MRTFB: variants seen among roughly 807,000 people sequenced by gnomAD.
The protein encoded by MRTFB is myocardin-related transcription factor B.
A neutral mutation model predicts 104.2 loss-of-function variants in MRTFB; 29 were observed. The observed-to-expected ratio is 0.28, with a 90% CI of 0.21 to 0.38. The LOEUF (loss-of-function observed/expected upper bound fraction) is 0.38, where lower values mean the gene tolerates loss of function less well. Ranked by LOEUF, MRTFB falls within the 10% of genes least tolerant of loss-of-function variation. The pLI is 1.00. For missense variants in MRTFB, 1,270 were observed against 1,341.6 expected (o/e 0.95, Z 0.83); for synonymous variants, 535 against 519.5 (o/e 1.03, Z -0.41).
At chr16:14,229,737 A>G (rs2042173264) in intron 8 of MRTFB, among the ~76,000 whole-genome samples, 1 of 151,976 alleles carries the variant, frequency 6.6e-6, no homozygotes. Flanking sequence ...TATGATCAAC[A>G]GTGCCTTTTT....
chr16:14,240,547 AAGTTACCAAAAGTTGAATGTTGTCATTT>A, intron 10 of MRTFB, 63 bp downstream of exon 10: 1 of 1,609,874 alleles, frequency 6.2e-7, no homozygotes, highest in Non-Finnish European at 8.5e-7. Context: ...GAGGAACTAT[AAGTTACCAAAAGTTGAATGTTGTCATTT>A]ATTTGTGCTC....
chr16:14,237,846 T>C (rs922109834), intron 9 of MRTFB, among the ~76,000 whole-genome samples: 14 of 152,182 alleles, frequency 9.2e-5, no homozygotes, highest in Admixed American at 3.9e-4. Context: ...GGTGAAATAC[T>C]ATAGGTTTGG....
chr16:14,241,190 GA>G (rs1163640616), intron 10 of MRTFB: 1 of 169,952 alleles, frequency 5.9e-6, no homozygotes, highest in African/African-American at 2.4e-5. Context: ...AAAACAGCTG[GA>G]TGCTGGTGTT....
intron 3 of MRTFB, among the ~76,000 whole-genome samples, chr16:14,168,973 T>C (rs1329721511): frequency 6.6e-6 from 1 of 152,236 alleles, no homozygotes; most frequent in Non-Finnish European, 1.5e-5. Flanking sequence ...CTTTTTAATG[T>C]GCTTATGAGC....
chr16:14,177,021 C>T lies in MRTFB; in HGVS notation c.155-33222C>T, dbSNP rs993373964. ...TTGAAGATTGTTTAAGTACAGTTTC[C>T]GTGGGCAGAGATAGGGAATAGGGAA... On this transcript the variant is annotated intron_variant, in intron 3 of 16. Coordinates refer to ENST00000571589, the MANE Select transcript of MRTFB (RefSeq NM_001308142.2). The surrounding 1 kb of genome is among the most constrained non-coding windows in gnomAD (Gnocchi z 4.7). 5.9e-5 allele frequency among the ~76,000 whole-genome samples: 9 copies of T among 152,042 alleles called. No homozygotes were observed. Among genetic ancestry groups the T allele is most frequent in the Non-Finnish European group, 1.0e-4 (7 of 68,004 alleles).
At chr16:14,149,228 T>G (rs1329313184) in intron 3 of MRTFB, 2 of 152,196 alleles carry the variant, frequency 1.3e-5, no homozygotes, top group East Asian at 3.8e-4. Context: ...ATTTTTATGG[T>G]ATTTATGTTG....
rs1206743663 is a variant in MRTFB at position 14,265,859 on chromosome 16, TATC to T, written c.*4420_*4422del. ...ATCAAATAAAATATGTTATCAGAGA[TATC>T]ATCACATCTATAGTGTTTAACAGAG... is the stretch of plus-strand genomic sequence containing the variant. On this transcript the variant is annotated 3_prime_UTR_variant, in exon 17 of 17. Transcript: ENST00000571589. The T allele has an allele frequency of 6.6e-6, 1 of 152,256 alleles. No individual in the cohort carries two copies. The highest frequency in any genetic ancestry group is 6.5e-5 in the Admixed American group (1 of 15,290). The allele number at this position is 152,256 out of a possible 1,614,324, so 9.4% of individuals were successfully genotyped here.
intron 13 of MRTFB, among the ~76,000 whole-genome samples, chr16:14,250,557 C>T (rs1312012788): frequency 6.6e-6 from 1 of 152,148 alleles, no homozygotes; most frequent in Non-Finnish European, 1.5e-5. Flanking sequence ...AAGACATTTT[C>T]AAGAAACTGG....
chr16:14,028,228 C>A, the MRTFB span, among the ~76,000 whole-genome samples: 20 of 73,514 alleles, frequency 2.7e-4, no homozygotes, highest in East Asian at 6.1e-3. Flanking sequence ...ACAAAACAAA[C>A]CAAGTAACTG....
At chr16:14,101,602 T>G (rs1203718084) in intron 2 of MRTFB, among the ~76,000 whole-genome samples, 1 of 152,212 alleles carries the variant, frequency 6.6e-6, no homozygotes, top group African/African-American at 2.4e-5. Flanking sequence ...TCAATTTCTA[T>G]TAACACTGTT....
intron 1 of MRTFB, among the ~76,000 whole-genome samples, chr16:14,079,058 G>GT (rs2034242650): frequency 2.0e-5 from 3 of 152,264 alleles, no homozygotes; most frequent in Admixed American, 6.5e-5. Context: ...CTCCAGGCTT[G>GT]TTTGTTAAAT....
intron 8 of MRTFB, among the ~76,000 whole-genome samples, chr16:14,227,951 T>TAAAAAAAA (rs369511525): frequency 4.5e-4 from 61 of 134,558 alleles, no homozygotes; most frequent in African/African-American, 1.6e-3. Flanking sequence ...CAGTCTATCT[T>TAAAAAAAA]AAAAAAAAAA....
chr16:14,047,120 G>A, the MRTFB span, among the ~76,000 whole-genome samples: 6 of 152,156 alleles, frequency 3.9e-5, no homozygotes, highest in Admixed American at 2.0e-4. Context: ...AAAAACAAAC[G>A]GGAAATTTAC....
the MRTFB span, among the ~76,000 whole-genome samples, chr16:14,033,027 T>C: frequency 6.6e-6 from 1 of 151,998 alleles, no homozygotes; most frequent in African/African-American, 2.4e-5. Flanking sequence ...GTTTTTTTTT[T>C]AGTAGGTCTG....
rs901512773 is a variant in MRTFB, at chr16:14,091,071, C to T, written c.-64+11717C>T. On this transcript the variant is annotated intron_variant, in intron 2 of 16. Coordinates refer to ENST00000571589, the MANE Select transcript of MRTFB (RefSeq NM_001308142.2). Reference sequence around the variant, plus strand: ...GGGGAGTCACTGAAGAGTCCAGCAGCGGGGAGGTGATTGGATCACTCTAGT... The same window carrying T: ...GGGGAGTCACTGAAGAGTCCAGCAGTGGGGAGGTGATTGGATCACTCTAGT... 2.6e-5 allele frequency among the ~76,000 whole-genome samples: 4 copies of T among 151,936 alleles called. No homozygotes were observed. The East Asian group carries it at 5.8e-4, about 22-fold the overall frequency.
chr16:14,241,929 C>T (rs888895788), intron 10 of MRTFB, among the ~76,000 whole-genome samples: 1 of 150,828 alleles, frequency 6.6e-6, no homozygotes, highest in Non-Finnish European at 1.5e-5. Context: ...TTAGGGAGGC[C>T]TCCTCCACTG....
At chr16:14,151,101 G>A (rs2038592923) in intron 3 of MRTFB, 1 of 152,116 alleles carries the variant, frequency 6.6e-6, no homozygotes, top group African/African-American at 2.4e-5. Flanking sequence ...AGCAACAGGA[G>A]GTGACTACAA....
the MRTFB span, among the ~76,000 whole-genome samples, chr16:14,052,756 G>C: frequency 7.1e-6 from 1 of 140,440 alleles, no homozygotes; most frequent in South Asian, 2.2e-4. Context: ...AAAAAAAAAA[G>C]AAAGAAAGAA....
the MRTFB span, chr16:14,018,985 C>G: frequency 6.6e-6 from 1 of 152,242 alleles, no homozygotes; most frequent in Non-Finnish European, 1.5e-5. Flanking sequence ...TTCTCTTCCT[C>G]TCTTAGCCTG....
Sources: allele counts gnomAD v4.1 joint callset (sites outside exome capture counted in the v4.1 genomes callset), GRCh38; gene constraint gnomAD v4.1.1; non-coding constraint Gnocchi (gnomAD v3.1); transcripts MANE v1.5; gene names NCBI Gene and HGNC (gene_info 2026-07-23, HGNC 2026-07-21).